DIP2C: variants seen among roughly 807,000 people sequenced by gnomAD.
The protein encoded by DIP2C is disco-interacting protein 2 homolog C.
DIP2C carries 33 observed loss-of-function variants against 192.4 expected under a neutral mutation model. That is an observed-to-expected ratio of 0.17 (90% CI 0.13 to 0.23). DIP2C has a LOEUF of 0.23. DIP2C is among the 10% of genes least tolerant of loss of function. The pLI, the probability that DIP2C is intolerant of heterozygous loss-of-function variation, is 1.00. For missense variants in DIP2C, 1,537 were observed against 2,110.1 expected, an observed-to-expected ratio of 0.73 and a Z score of 5.32; for synonymous variants, 979 against 864.1, an observed-to-expected ratio of 1.13 and a Z score of -2.33.
At chr10:477,140 G>A (rs1358158225) in intron 2 of DIP2C, among the ~76,000 whole-genome samples, 1 of 148,560 alleles carries the variant, frequency 6.7e-6, no homozygotes, top group Admixed American at 6.8e-5. Context: ...AGTGAGGCCA[G>A]CACAGGAAGA....
chr10:673,449 C>G (rs1830741932), intron 1 of DIP2C, among the ~76,000 whole-genome samples: 1 of 152,162 alleles, frequency 6.6e-6, no homozygotes, highest in African/African-American at 2.4e-5. Context: ...ATCTTTGTTT[C>G]AAGGAATGTC....
chr10:409,096 A>G (rs1414044863), intron 8 of DIP2C, 79 bp from the exon 9 acceptor site: 5 of 1,464,388 alleles, frequency 3.4e-6, no homozygotes, highest in African/African-American at 1.4e-5. Flanking sequence ...AGTCTAGGAC[A>G]TGAGTCCATT....
chr10:406,362 ACT>A (rs1336692409), intron 9 of DIP2C, among the ~76,000 whole-genome samples: 12 of 152,088 alleles, frequency 7.9e-5, no homozygotes, highest in Non-Finnish European at 1.5e-4. Flanking sequence ...CCAAATGGAA[ACT>A]CTGTCCCTAT....
intron 1 of DIP2C, among the ~76,000 whole-genome samples, chr10:611,431 C>T (rs1399331128): frequency 2.0e-5 from 3 of 152,170 alleles, no homozygotes; most frequent in East Asian, 1.9e-4. Flanking sequence ...ATCAAGGTCC[C>T]GCACTCTAGC....
chr10:378,155 TCTAAAA>T (rs1463000220), intron 17 of DIP2C, among the ~76,000 whole-genome samples: 135 of 152,262 alleles, frequency 8.9e-4, no homozygotes, highest in African/African-American at 2.8e-3. Flanking sequence ...ATTTTTCTAC[TCTAAAA>T]CTAACATCGG....
At chr10:618,345 T>C (rs1167095826) in intron 1 of DIP2C, among the ~76,000 whole-genome samples, 3 of 152,236 alleles carry the variant, frequency 2.0e-5, no homozygotes, top group South Asian at 4.1e-4. Context: ...CAGACATATC[T>C]GCTGAAACAC....
At chr10:539,906 A>C (rs767263334) in intron 1 of DIP2C, among the ~76,000 whole-genome samples, 5 of 152,242 alleles carry the variant, frequency 3.3e-5, no homozygotes, top group African/African-American at 9.6e-5. Flanking sequence ...ACCAGTATAA[A>C]ACACATTACA....
At chr10:397,595 G>A (rs920650753) in intron 10 of DIP2C, among the ~76,000 whole-genome samples, 3 of 151,478 alleles carry the variant, frequency 2.0e-5, no homozygotes, top group African/African-American at 7.3e-5. Flanking sequence ...CACATTGCAG[G>A]TTCAGACCTG....
intron 3 of DIP2C, among the ~76,000 whole-genome samples, chr10:449,917 C>CAAAAAAAA (rs1287942290): frequency 2.7e-4 from 6 of 22,532 alleles, no homozygotes; most frequent in African/African-American, 5.4e-4. Flanking sequence ...CAGTCAACAA[C>CAAAAAAAA]AACAAAAAAA....
At chr10:548,212 C>CT (rs201803757) in intron 1 of DIP2C, among the ~76,000 whole-genome samples, 1 of 115,592 alleles carries the variant, frequency 8.7e-6, no homozygotes, top group African/African-American at 3.1e-5. Context: ...TGCCCCACCC[C>CT]CCCCCCCACA....
At chr10:655,663 T>C (rs1856246111) in intron 1 of DIP2C, among the ~76,000 whole-genome samples, 1 of 152,204 alleles carries the variant, frequency 6.6e-6, no homozygotes, top group Admixed American at 6.5e-5. Flanking sequence ...GACTACATTA[T>C]GCTATGCAAT....
At chr10:576,622 G>A (rs1381968318) in intron 1 of DIP2C, among the ~76,000 whole-genome samples, 1 of 152,198 alleles carries the variant, frequency 6.6e-6, no homozygotes, top group East Asian at 1.9e-4. Context: ...TAAAACAGAA[G>A]ATCAGGCCAG....
At position 532,702 on chromosome 10, in the gene DIP2C, TGAGAGAGA is replaced by T. The variant is rs145111240; in HGVS notation, c.86-46180_86-46173del. ...GTATGGGTGTGAGAGAGTATGGGTG[TGAGAGAGA>T]GTATGGGTGTGAGAGAGAGTATGGG... is the stretch of plus-strand genomic sequence containing the variant. On this transcript the variant is annotated intron_variant, in intron 1 of 36. Transcript: ENST00000280886. Among the ~76,000 whole-genome samples the T allele has an allele frequency of 2.4e-3, 237 of 98,600 alleles. 14 individuals carry two copies. Among genetic ancestry groups the T allele is most frequent in the Admixed American group, 3.7e-3 (36 of 9,738 alleles). The allele number at this position is 98,600 out of a possible 152,430, so 64.7% of individuals were successfully genotyped here.
At chr10:278,065 G>T (rs1415374425) in intron 36 of DIP2C, among the ~76,000 whole-genome samples, 1 of 149,718 alleles carries the variant, frequency 6.7e-6, no homozygotes, top group Non-Finnish European at 1.5e-5. Context: ...TGTCTGTGCG[G>T]TGGCCCCGAG....
At chr10:393,356 GA>G (rs1963648106) in intron 10 of DIP2C, among the ~76,000 whole-genome samples, 1 of 152,136 alleles carries the variant, frequency 6.6e-6, no homozygotes, top group African/African-American at 2.4e-5. Flanking sequence ...TTAAAAATAA[GA>G]AAAGTTCTCT....
intron 32 of DIP2C, among the ~76,000 whole-genome samples, chr10:303,176 G>A (rs1301903402): frequency 1.3e-5 from 2 of 152,084 alleles, no homozygotes; most frequent in Non-Finnish European, 2.9e-5. Context: ...CTTAAACACT[G>A]TACTCGTAAG....
chr10:456,487 C>G (rs1238175816), intron 3 of DIP2C, among the ~76,000 whole-genome samples: 2 of 152,270 alleles, frequency 1.3e-5, no homozygotes, highest in East Asian at 3.9e-4. Flanking sequence ...AAATGAGTGA[C>G]TGAATCAAAG....
intron 1 of DIP2C, among the ~76,000 whole-genome samples, chr10:627,499 C>T (rs1854271367): frequency 6.6e-6 from 1 of 152,252 alleles, no homozygotes; most frequent in Non-Finnish European, 1.5e-5. Context: ...CCGGTTCTCA[C>T]CACACCAGAG....
Position 663,173 on chromosome 10 carries a change from G to A in DIP2C, c.85+26321C>T, listed in dbSNP as rs185780768. 3.3e-4 allele frequency: 145 copies of A among 437,688 alleles called. No individual in the cohort carries two copies. The East Asian group carries it at 4.3e-3, about 13-fold the overall frequency. The allele number at this position is 437,688 out of a possible 1,614,324, so 27.1% of individuals were successfully genotyped here. A position where few individuals can be genotyped will look rare whatever the true frequency, so the allele number is the denominator to read the frequency against. On this transcript the variant is annotated intron_variant, in intron 1 of 36. Transcript: ENST00000280886. ...AGTTTCTGTTGCAATTCTATGTCCA[G>A]TGTAAATAAACTGTGGAAAACTGGG...
Sources: gnomAD v4.1 joint callset for allele counts (sites outside exome capture counted in the v4.1 genomes callset) on GRCh38, gnomAD v4.1.1 for gene constraint, MANE v1.5 for transcripts, NCBI Gene and HGNC (gene_info 2026-07-23, HGNC 2026-07-21) for gene names.